The following NAT1 variants were observed in gnomAD, a reference collection of about 807,000 sequenced individuals.
The protein encoded by NAT1 is N-acetyltransferase 1.
For missense variants in NAT1, 400 were observed against 339.2 expected (o/e 1.18, Z -1.41); for synonymous variants, 144 against 122.6 (o/e 1.17, Z -1.16).
intron 2 of NAT1, 126 bp downstream of exon 2, chr8:18,219,615 G>A (rs967421126): frequency 1.3e-4 from 71 of 565,992 alleles, no homozygotes; most frequent in Non-Finnish European, 2.1e-4. Flanking sequence ...GATTCTACAA[G>A]TGGATATATA....
At chr8:18,180,487 T>C (rs779605725) in intron 2 of NAT1, among the ~76,000 whole-genome samples, 2 of 152,178 alleles carry the variant, frequency 1.3e-5, no homozygotes, top group Non-Finnish European at 2.9e-5. Flanking sequence ...TGAATCTATG[T>C]TCATTAGGAA....
At chr8:18,172,638 C>T (rs1224790380) in intron 2 of NAT1, among the ~76,000 whole-genome samples, 1 of 152,164 alleles carries the variant, frequency 6.6e-6, no homozygotes, top group Non-Finnish European at 1.5e-5. Context: ...AACTAGGACT[C>T]TTAACACTCA....
chr8:18,190,605 G>A (rs566119410), intron 2 of NAT1, among the ~76,000 whole-genome samples: 1 of 152,342 alleles, frequency 6.6e-6, no homozygotes, highest in South Asian at 2.1e-4. Context: ...GCCATGAGCA[G>A]CTGCTCTCCA....
At chr8:18,173,347 T>A (rs143560390) in intron 2 of NAT1, among the ~76,000 whole-genome samples, 1 of 152,326 alleles carries the variant, frequency 6.6e-6, no homozygotes, top group African/African-American at 2.4e-5. Context: ...CCATCTGTCT[T>A]CTACAATAGG....
At chr8:18,214,985 C>A (rs150212273) in intron 1 of NAT1, among the ~76,000 whole-genome samples, 2 of 152,172 alleles carry the variant, frequency 1.3e-5, no homozygotes, top group South Asian at 2.1e-4. Context: ...AATAGCTTCC[C>A]GCTCCATCCA....
upstream of NAT1, chr8:18,210,085 C>T (rs946328353): frequency 6.6e-6 from 1 of 152,122 alleles, no homozygotes; most frequent in South Asian, 2.1e-4. Context: ...GAGCACTTCC[C>T]CTGCAGACTT....
chr8:18,214,510 T>A (rs1469746445), intron 1 of NAT1, among the ~76,000 whole-genome samples: 1 of 152,230 alleles, frequency 6.6e-6, no homozygotes, highest in Non-Finnish European at 1.5e-5. Flanking sequence ...TTCTCTTTCA[T>A]GAAATATTTT....
At chr8:18,217,048 C>A in intron 1 of NAT1, 2 of 1,221,254 alleles carry the variant, frequency 1.6e-6, no homozygotes, top group East Asian at 2.6e-5. Flanking sequence ...GGGAGAAAGG[C>A]AACTTGTAGA....
intron 2 of NAT1, among the ~76,000 whole-genome samples, chr8:18,201,941 T>C (rs553532111): frequency 6.6e-6 from 1 of 152,206 alleles, no homozygotes; most frequent in Non-Finnish European, 1.5e-5. Context: ...ACAAGCTAAG[T>C]GGAAAAGACC....
rs577664762 is a variant in NAT1, at chr8:18,210,139, T to C, written c.-127T>C. On this transcript the variant is annotated 5_prime_UTR_variant, in exon 1 of 3. Coordinates refer to ENST00000307719, the MANE Select transcript of NAT1 (RefSeq NM_000662.8). ...CTCATAGACCTTGGATGTGGGAGGA[T>C]TGCATTCAGTCTAGTTCCTGGTTGC... The C allele has an allele frequency of 1.3e-5, 2 of 152,286 alleles. No individual in the cohort carries two copies. Among genetic ancestry groups the C allele is most frequent in the East Asian group, 1.9e-4 (1 of 5,162 alleles). 9.4% of individuals were successfully genotyped at this position (152,286 alleles called of 1,614,324 possible).
intron 2 of NAT1, among the ~76,000 whole-genome samples, chr8:18,177,646 C>A (rs1286742323): frequency 6.6e-6 from 1 of 152,082 alleles, no homozygotes; most frequent in Non-Finnish European, 1.5e-5. Context: ...GGAGGAAAGA[C>A]ATTCGTATCC....
At chr8:18,191,295 G>C (rs1023637666) in intron 2 of NAT1, among the ~76,000 whole-genome samples, 1 of 152,100 alleles carries the variant, frequency 6.6e-6, no homozygotes, top group Non-Finnish European at 1.5e-5. Context: ...AGGTTTTATA[G>C]ACTGCCTTTG....
At chr8:18,182,120 G>A (rs978698738) in intron 2 of NAT1, among the ~76,000 whole-genome samples, 2 of 152,150 alleles carry the variant, frequency 1.3e-5, no homozygotes, top group African/African-American at 4.8e-5. Flanking sequence ...TCTTCAGTGT[G>A]TATCTCTTCT....
intron 2 of NAT1, among the ~76,000 whole-genome samples, chr8:18,188,011 T>A (rs927647543): frequency 2.0e-5 from 3 of 149,694 alleles, no homozygotes; most frequent in Non-Finnish European, 3.0e-5. Context: ...CACTATTGTT[T>A]TGTGGCTCCA....
At chr8:18,183,224 C>A (rs1802592473) in intron 2 of NAT1, among the ~76,000 whole-genome samples, 1 of 152,158 alleles carries the variant, frequency 6.6e-6, no homozygotes, top group Non-Finnish European at 1.5e-5. Context: ...TTAATCCATT[C>A]ATAAGTGCTC....
intron 2 of NAT1, among the ~76,000 whole-genome samples, chr8:18,194,503 T>C (rs1231563339): frequency 2.0e-5 from 3 of 151,938 alleles, no homozygotes; most frequent in African/African-American, 7.3e-5. Flanking sequence ...GTAGACACAA[T>C]ATAAAGCATG....
intron 2 of NAT1, among the ~76,000 whole-genome samples, chr8:18,187,512 A>C (rs1030910413): frequency 6.6e-6 from 1 of 152,176 alleles, no homozygotes; most frequent in African/African-American, 2.4e-5. Context: ...ACCCTGGAAT[A>C]CTACGCAGCC....
At chr8:18,195,438 T>C (rs1803189394) in intron 2 of NAT1, among the ~76,000 whole-genome samples, 1 of 138,168 alleles carries the variant, frequency 7.2e-6, no homozygotes, top group Non-Finnish European at 1.5e-5. Context: ...ACTTTTCCCA[T>C]CAATTTCTAG....
intron 2 of NAT1, among the ~76,000 whole-genome samples, chr8:18,173,752 T>C (rs1802186205): frequency 6.6e-6 from 1 of 152,180 alleles, no homozygotes; most frequent in African/African-American, 2.4e-5. Flanking sequence ...TATAGCTTCC[T>C]AATCCAATGC....
Sources: gnomAD v4.1 joint callset for allele counts (sites outside exome capture counted in the v4.1 genomes callset) on GRCh38, gnomAD v4.1.1 for gene constraint, MANE v1.5 for transcripts, NCBI Gene and HGNC (gene_info 2026-07-23, HGNC 2026-07-21) for gene names.